The following PTCHD4 variants were observed in gnomAD, a reference collection of about 807,000 sequenced individuals.
The protein encoded by PTCHD4 is patched domain-containing protein 4.
A neutral mutation model predicts 58.1 loss-of-function variants in PTCHD4; 33 were observed. The observed-to-expected ratio is 0.57, with a 90% CI of 0.43 to 0.76. PTCHD4 has a LOEUF of 0.76. Among genes scored for constraint, PTCHD4 ranks in the 30% least tolerant of loss-of-function variants. PTCHD4 has a pLI of 0.00. For synonymous variants in PTCHD4, 478 were observed against 409.6 expected, an observed-to-expected ratio of 1.17 and a Z score of -2.02; for missense variants, 1,058 against 1,027.1, an observed-to-expected ratio of 1.03 and a Z score of -0.41.
chr6:48,008,050 A>G (rs1045878758), intron 4 of PTCHD4, among the ~76,000 whole-genome samples: 1 of 152,232 alleles, frequency 6.6e-6, no homozygotes, highest in African/African-American at 2.4e-5. Flanking sequence ...AAGGCTATTC[A>G]TTAATTCTTT....
At chr6:47,983,445 AACATTTTAAAGGCATG>A (rs1767956174) in intron 4 of PTCHD4, among the ~76,000 whole-genome samples, 1 of 152,190 alleles carries the variant, frequency 6.6e-6, no homozygotes, top group African/African-American at 2.4e-5. Context: ...ACATTCTGAG[AACATTTTAAAGGCATG>A]ACATTAAAAC....
rs148847302 is a variant in PTCHD4 at position 47,914,744 on chromosome 6, TTATCTATCTATC to T, written c.899-34820_899-34809del. On this transcript the variant is annotated intron_variant, in intron 4 of 4. Coordinates refer to ENST00000339488, the MANE Select transcript of PTCHD4 (RefSeq NM_001384253.1). ...TGTCTATCTATCTATTATCTATCTA[TTATCTATCTATC>T]TATCTATCTATCTATCTATCTATCT... Among the ~76,000 whole-genome samples the T allele has an allele frequency of 7.1e-4, 83 of 116,270 alleles. 1 individual carries two copies. The highest frequency in any genetic ancestry group is 3.4e-3 in the Admixed American group (41 of 11,914). 76.3% of individuals were successfully genotyped at this position (116,270 alleles called of 152,430 possible).
At chr6:47,954,948 G>A (rs2113955011) in intron 4 of PTCHD4, among the ~76,000 whole-genome samples, 1 of 152,286 alleles carries the variant, frequency 6.6e-6, no homozygotes, top group East Asian at 1.9e-4. Flanking sequence ...GGAAGTTCAA[G>A]CCCATGGAAA....
chr6:47,964,156 A>C (rs1235348435), intron 4 of PTCHD4, among the ~76,000 whole-genome samples: 1 of 152,198 alleles, frequency 6.6e-6, no homozygotes, highest in African/African-American at 2.4e-5. Context: ...GAAGAGAGGA[A>C]TGGGAAATGA....
intron 3 of PTCHD4, among the ~76,000 whole-genome samples, chr6:48,026,408 T>C (rs1229563379): frequency 6.6e-6 from 1 of 152,128 alleles, no homozygotes; most frequent in Non-Finnish European, 1.5e-5. Context: ...AGCAGACAAT[T>C]TGGAATTTCA....
At chr6:47,892,095 A>C (rs1681335674) in intron 4 of PTCHD4, among the ~76,000 whole-genome samples, 1 of 152,138 alleles carries the variant, frequency 6.6e-6, no homozygotes, top group African/African-American at 2.4e-5. Context: ...TATTTTGAGA[A>C]GATGATAACA....
intron 4 of PTCHD4, among the ~76,000 whole-genome samples, chr6:47,940,967 A>C (rs1288501337): frequency 1.8e-4 from 27 of 152,160 alleles, no homozygotes; most frequent in Non-Finnish European, 7.3e-5. Flanking sequence ...TGACTTCCTG[A>C]CACAGAGTCT....
At chr6:48,010,538 T>C (rs1479472913) in intron 3 of PTCHD4, among the ~76,000 whole-genome samples, 1 of 152,152 alleles carries the variant, frequency 6.6e-6, no homozygotes, top group Non-Finnish European at 1.5e-5. Flanking sequence ...TTTACAATAT[T>C]TACAGAGAGT....
chr6:48,062,905 T>G (rs1014050135), intron 3 of PTCHD4, among the ~76,000 whole-genome samples: 1 of 152,142 alleles, frequency 6.6e-6, no homozygotes. Context: ...CCTGACTCTA[T>G]CATTTTACAG....
chr6:48,104,717 CAG>C, intron 1 of PTCHD4, among the ~76,000 whole-genome samples: 1 of 152,164 alleles, frequency 6.6e-6, no homozygotes, highest in Non-Finnish European at 1.5e-5. Flanking sequence ...ATCTCATGTG[CAG>C]AGACACACAT....
intron 3 of PTCHD4, among the ~76,000 whole-genome samples, chr6:48,025,252 A>G (rs531817814): frequency 1.3e-5 from 2 of 152,188 alleles, no homozygotes; most frequent in East Asian, 3.9e-4. Flanking sequence ...AATTGAAATG[A>G]CCTGATAATG....
At chr6:47,911,151 T>A (rs1392190959) in intron 4 of PTCHD4, among the ~76,000 whole-genome samples, 2 of 152,154 alleles carry the variant, frequency 1.3e-5, no homozygotes, top group Non-Finnish European at 2.9e-5. Context: ...CACTCTGGTC[T>A]TCAGCTAGCT....
Position 47,938,003 on chromosome 6 carries a change from A to G in PTCHD4, c.899-58067T>C, listed in dbSNP as rs550010979. 6.2e-4 allele frequency among the ~76,000 whole-genome samples: 95 copies of G among 152,198 alleles called. 3 individuals carry two copies. The South Asian group carries it at 0.017, about 28-fold the overall frequency. On this transcript the variant is annotated intron_variant, in intron 4 of 4. Coordinates refer to ENST00000339488, the MANE Select transcript of PTCHD4 (RefSeq NM_001384253.1). ...CCCCATCTCTACTAAAAATACAAAA[A>G]TTAGCAGGGCATGGTGGCACGCACC...
chr6:48,001,179 G>A (rs1385503126), intron 4 of PTCHD4, among the ~76,000 whole-genome samples: 1 of 152,110 alleles, frequency 6.6e-6, no homozygotes, highest in East Asian at 1.9e-4. Flanking sequence ...TGGCCATACT[G>A]CCCTAGGTAA....
At chr6:48,050,258 A>G (rs1313660477) in intron 3 of PTCHD4, among the ~76,000 whole-genome samples, 2 of 152,028 alleles carry the variant, frequency 1.3e-5, no homozygotes, top group Non-Finnish European at 2.9e-5. Flanking sequence ...AACTTAATAA[A>G]ACTGACTAAA....
chr6:48,025,733 T>TGC (rs1003908520), intron 3 of PTCHD4, among the ~76,000 whole-genome samples: 3 of 152,166 alleles, frequency 2.0e-5, no homozygotes, highest in Non-Finnish European at 4.4e-5. Context: ...TTCAAATGCA[T>TGC]ATTGCTGTGT....
At chr6:47,883,134 T>C (rs1273220561) in intron 4 of PTCHD4, among the ~76,000 whole-genome samples, 1 of 152,078 alleles carries the variant, frequency 6.6e-6, no homozygotes, top group Non-Finnish European at 1.5e-5. Flanking sequence ...AATATATATT[T>C]ATTTAGAGTT....
chr6:47,897,732 T>C (rs1033848222), intron 4 of PTCHD4, among the ~76,000 whole-genome samples: 3 of 152,162 alleles, frequency 2.0e-5, no homozygotes, highest in African/African-American at 7.2e-5. Context: ...AACTCTTATT[T>C]AGCTTCTTTG....
At chr6:48,051,752 G>T (rs1349126357) in intron 3 of PTCHD4, among the ~76,000 whole-genome samples, 1 of 151,838 alleles carries the variant, frequency 6.6e-6, no homozygotes, top group East Asian at 1.9e-4. Context: ...CAATTTTAAT[G>T]AATAAATTTT....
Sources: allele counts gnomAD v4.1 joint callset (sites outside exome capture counted in the v4.1 genomes callset), GRCh38; gene constraint gnomAD v4.1.1; transcripts MANE v1.5; gene names NCBI Gene and HGNC (gene_info 2026-07-23, HGNC 2026-07-21).